Variants in CLEC16A observed in about 807,000 individuals in gnomAD.
CLEC16A encodes the protein protein CLEC16A.
In CLEC16A, 51 loss-of-function variants were observed where a neutral mutation model predicts 109.5. The ratio of observed to expected loss-of-function variants is 0.47; its 90% CI spans 0.37 to 0.59. The LOEUF is 0.59. Among genes scored for constraint, CLEC16A ranks in the 20% least tolerant of loss-of-function variants. The pLI is 0.00. For synonymous variants in CLEC16A, 673 were observed against 564.2 expected (o/e 1.19, Z -2.73); for missense variants, 1,339 against 1,394.0 (o/e 0.96, Z 0.63).
At chr16:11,089,997 A>G (rs545546024) in intron 19 of CLEC16A, among the ~76,000 whole-genome samples, 72 of 152,304 alleles carry the variant, frequency 4.7e-4, no homozygotes, top group Middle Eastern at 3.4e-3. Context: ...AACCTCCACC[A>G]TCCTTTACAC....
chr16:10,991,698 G>C (rs2044024438), intron 10 of CLEC16A, among the ~76,000 whole-genome samples: 1 of 152,240 alleles, frequency 6.6e-6, no homozygotes. Context: ...GATGTGACAA[G>C]TCTCGGTACG....
At chr16:11,015,593 G>A (rs2045698343) in intron 11 of CLEC16A, among the ~76,000 whole-genome samples, 2 of 152,192 alleles carry the variant, frequency 1.3e-5, no homozygotes, top group South Asian at 2.1e-4. Flanking sequence ...TGCTGACTGT[G>A]GTGGGATGCC....
Position 11,174,703 on chromosome 16 carries a change from C to T in CLEC16A, c.2807-3632C>T, listed in dbSNP as rs749990574. On this transcript the variant is annotated intron_variant, in intron 23 of 23. Coordinates refer to ENST00000409790, the MANE Select transcript of CLEC16A (RefSeq NM_015226.3). The surrounding 1 kb of genome is among the most constrained non-coding windows in gnomAD (Gnocchi z 4.7). ...TGGCAAAGTGAGAATTTGTAGAAAG[C>T]AACCAAGAAGTCTCCTCATTTCTTT... 6.6e-5 allele frequency among the ~76,000 whole-genome samples: 10 copies of T among 152,266 alleles called. No individual in the cohort carries two copies. The highest frequency in any genetic ancestry group is 1.7e-4 in the African/African-American group (7 of 41,476).
intron 19 of CLEC16A, among the ~76,000 whole-genome samples, chr16:11,084,671 G>C (rs1415658235): frequency 6.6e-6 from 1 of 152,126 alleles, no homozygotes; most frequent in Admixed American, 6.5e-5. Context: ...TTCTGAACTC[G>C]CCGGCTATAT....
intron 11 of CLEC16A, among the ~76,000 whole-genome samples, chr16:11,016,822 GCAAA>G (rs1207226168): frequency 1.3e-5 from 2 of 152,144 alleles, no homozygotes; most frequent in Non-Finnish European, 2.9e-5. Flanking sequence ...ACAAAACTAT[GCAAA>G]CAAAGCATTT....
At chr16:11,113,774 C>T (rs1466140613) in intron 19 of CLEC16A, among the ~76,000 whole-genome samples, 1 of 152,200 alleles carries the variant, frequency 6.6e-6, no homozygotes, top group African/African-American at 2.4e-5. Flanking sequence ...GAATTCATTC[C>T]ATGTCATTGC....
chr16:10,954,962 T>C lies in CLEC16A; in HGVS notation c.81-2820T>C, dbSNP rs1354771589. Among the ~76,000 whole-genome samples the C allele has an allele frequency of 6.6e-6, 1 of 152,264 alleles. No homozygotes were observed. Among genetic ancestry groups the C allele is most frequent in the Non-Finnish European group, 1.5e-5 (1 of 68,048 alleles). ...AGCCAAGCCTGCTTCTGTTGAGCCC[T>C]TGCTCTGTGCCAGGCGCTGTGCTTG... is the stretch of plus-strand genomic sequence containing the variant. On this transcript the variant is annotated intron_variant, in intron 1 of 23. Transcript: ENST00000409790. This position sits in a 1 kb window ranked among gnomAD's most constrained non-coding sequence, Gnocchi z 4.2.
intron 19 of CLEC16A, among the ~76,000 whole-genome samples, chr16:11,108,155 C>T (rs1475313432): frequency 6.6e-6 from 1 of 152,248 alleles, no homozygotes; most frequent in Non-Finnish European, 1.5e-5. Context: ...TCTGAAGCAC[C>T]ATGAGGGCAG....
chr16:11,120,026 A>G (rs2153023272), intron 19 of CLEC16A, among the ~76,000 whole-genome samples: 1 of 152,288 alleles, frequency 6.6e-6, no homozygotes. Context: ...GTTGGAGTGC[A>G]GAGCGCGATC....
intron 20 of CLEC16A, 44 bp from the exon 21 acceptor site, chr16:11,123,698 C>G (rs753722643): frequency 6.2e-7 from 1 of 1,602,544 alleles, no homozygotes; most frequent in South Asian, 1.1e-5. Context: ...CCACCCTCCT[C>G]CCAAACCCAA....
chr16:10,992,473 G>A (rs1196119001), intron 10 of CLEC16A, among the ~76,000 whole-genome samples: 10 of 151,560 alleles, frequency 6.6e-5, no homozygotes, highest in South Asian at 2.1e-4. Context: ...ATTACATGAC[G>A]TACACATATA....
chr16:11,015,969 C>A (rs546732064), intron 11 of CLEC16A, among the ~76,000 whole-genome samples: 1 of 146,100 alleles, frequency 6.8e-6, no homozygotes, highest in Non-Finnish European at 1.5e-5. Flanking sequence ...CACAGGCTTG[C>A]TTGGGAGTCT....
intron 5 of CLEC16A, 113 bp from the exon 6 acceptor site, chr16:10,972,441 C>A: frequency 1.1e-6 from 1 of 895,324 alleles, no homozygotes; most frequent in Non-Finnish European, 1.8e-6. Flanking sequence ...TGCCTCCCAC[C>A]CTAGTCTCTC....
chr16:11,136,179 GGCCTT>G (rs1393511364), intron 22 of CLEC16A: 1 of 152,224 alleles, frequency 6.6e-6, no homozygotes, highest in Admixed American at 6.5e-5. Context: ...ATTGTTAGGT[GGCCTT>G]GACCCATTTG....
At chr16:11,118,689 GT>G (rs1342470234) in intron 19 of CLEC16A, among the ~76,000 whole-genome samples, 1 of 152,172 alleles carries the variant, frequency 6.6e-6, no homozygotes, top group African/African-American at 2.4e-5. Context: ...TGCTTTTGAG[GT>G]CTTAGTCATA....
chr16:11,024,974 C>A, intron 13 of CLEC16A, 53 bp downstream of exon 13: 1 of 1,231,332 alleles, frequency 8.1e-7, no homozygotes, highest in Non-Finnish European at 1.2e-6. Context: ...ATACCCATAG[C>A]ATCCTTCCCC....
Position 10,979,325 on chromosome 16 carries a change from C to T in CLEC16A, c.904-4C>T, listed in dbSNP as rs547521557. 21 of 1,611,550 alleles carry T rather than the reference C, an allele frequency of 1.3e-5. No homozygotes were observed. In the East Asian group the frequency reaches 4.5e-4, roughly 34 times the overall value. On this transcript the variant is annotated splice_polypyrimidine_tract_variant and splice_region_variant and intron_variant, in intron 8 of 23. Transcript: ENST00000409790. Reference sequence around the variant, plus strand: ...TCTCTCTCTCTCCTGCCACCCTGCACTAGGGAGGAGAACGGCCGAAAATTA... The same window carrying T: ...TCTCTCTCTCTCCTGCCACCCTGCATTAGGGAGGAGAACGGCCGAAAATTA...
intron 19 of CLEC16A, among the ~76,000 whole-genome samples, chr16:11,089,835 A>G (rs1236230555): frequency 2.0e-5 from 3 of 152,190 alleles, no homozygotes; most frequent in East Asian, 1.9e-4. Context: ...AGCCACCGCC[A>G]GGCACCGGTC....
At chr16:10,962,317 C>T in intron 2 of CLEC16A, 138 bp from the exon 3 acceptor site, 1 of 892,918 alleles carries the variant, frequency 1.1e-6, no homozygotes, top group Middle Eastern at 2.5e-4. Context: ...TGGCGGGTGA[C>T]AATGGGTGGC....
Sources: gnomAD v4.1 joint callset for allele counts (sites outside exome capture counted in the v4.1 genomes callset) on GRCh38, gnomAD v4.1.1 for gene constraint, Gnocchi (gnomAD v3.1) non-coding constraint, MANE v1.5 for transcripts, NCBI Gene and HGNC (gene_info 2026-07-23, HGNC 2026-07-21) for gene names.